APBB2: variants seen among roughly 807,000 people sequenced by gnomAD.
APBB2 encodes amyloid beta precursor protein binding family B member 2.
APBB2 carries 38 observed loss-of-function variants against 82.5 expected under a neutral mutation model. The ratio of observed to expected loss-of-function variants is 0.46; its 90% CI spans 0.36 to 0.60. APBB2 has a LOEUF of 0.60. Ranked by LOEUF, APBB2 falls within the 20% of genes least tolerant of loss-of-function variation. The pLI is 0.00. For synonymous variants in APBB2, 341 were observed against 368.2 expected (o/e 0.93, Z 0.85); for missense variants, 772 against 972.3 (o/e 0.79, Z 2.74).
At chr4:41,049,350 C>T (rs1724906377) in intron 4 of APBB2, among the ~76,000 whole-genome samples, 1 of 149,556 alleles carries the variant, frequency 6.7e-6, no homozygotes, top group Non-Finnish European at 1.5e-5. Flanking sequence ...CTCCGACCGG[C>T]AGCCGCCCCG....
intron 4 of APBB2, among the ~76,000 whole-genome samples, chr4:41,063,581 T>C (rs1191938223): frequency 6.6e-6 from 1 of 152,218 alleles, no homozygotes; most frequent in East Asian, 1.9e-4. Context: ...TTATCAGCTA[T>C]CCCTCCCTAC....
At chr4:40,932,766 G>C (rs772713984) in intron 10 of APBB2, among the ~76,000 whole-genome samples, 3 of 152,268 alleles carry the variant, frequency 2.0e-5, no homozygotes, top group South Asian at 2.1e-4. Flanking sequence ...GCAAGCCCCC[G>C]CCCCGTTCAA....
At position 41,014,006 on chromosome 4, in the gene APBB2, T is replaced by C. The variant is rs1165147429; in HGVS notation, c.412A>G (p.Lys138Glu). 4 of 1,614,198 alleles carry C rather than the reference T, an allele frequency of 2.5e-6. No individual in the cohort carries two copies. The highest frequency in any genetic ancestry group is 4.5e-5 in the East Asian group (2 of 44,878). The change falls in exon 6 of 18, where the codon AAA (lysine) becomes GAA (glutamate). Residue 138 changes from lysine to glutamate, a missense_variant. Coordinates refer to ENST00000508593, the MANE Select transcript of APBB2 (RefSeq NM_004307.2). The stretch of plus-strand genomic sequence containing the variant: ...GAGGAATCCTGTGGGTGGGGCTCTT[T>C]ACCCTCTAACTTCTCAGAAGTTATG... ...INITSEKLEG[K>E]EPHPQDSSSC...
intron 1 of APBB2, among the ~76,000 whole-genome samples, chr4:41,195,681 G>A: frequency 1.3e-5 from 2 of 152,086 alleles, no homozygotes; most frequent in African/African-American, 4.8e-5. Context: ...GTCCTAAACA[G>A]CCCTACAGGT....
chr4:41,146,529 T>A (rs1239006826), intron 1 of APBB2, among the ~76,000 whole-genome samples: 2 of 152,084 alleles, frequency 1.3e-5, no homozygotes, highest in Admixed American at 6.6e-5. Context: ...ATACAGTCAC[T>A]AATAATTAAA....
chr4:41,168,125 C>T (rs1207994953), intron 1 of APBB2, among the ~76,000 whole-genome samples: 3 of 151,698 alleles, frequency 2.0e-5, no homozygotes, highest in Admixed American at 1.3e-4. Context: ...AAAAATTGGC[C>T]GGGCGTGGTG....
chr4:41,000,139 T>C (rs1704891848), intron 6 of APBB2, among the ~76,000 whole-genome samples: 1 of 147,972 alleles, frequency 6.8e-6, no homozygotes, highest in African/African-American at 2.5e-5. Context: ...TGTGCACCCG[T>C]AGTCACAGTT....
intron 6 of APBB2, among the ~76,000 whole-genome samples, chr4:41,006,220 C>G (rs1173628865): frequency 2.0e-5 from 3 of 151,956 alleles, no homozygotes; most frequent in Non-Finnish European, 4.4e-5. Flanking sequence ...TGCATTTTAC[C>G]CTTGAAGTGC....
intron 12 of APBB2, among the ~76,000 whole-genome samples, chr4:40,845,126 T>C (rs1343212838): frequency 6.6e-6 from 1 of 152,242 alleles, no homozygotes; most frequent in Admixed American, 6.5e-5. Context: ...CATTTGGAGT[T>C]AATAAACACT....
In APBB2 at chr4:41,124,918, A is replaced by G. The variant is rs1314540005; in HGVS notation, c.-261+18069T>C. 3.3e-5 allele frequency among the ~76,000 whole-genome samples: 5 copies of G among 152,316 alleles called. No homozygotes were observed. The East Asian group carries it at 9.7e-4, about 29-fold the overall frequency. ...TCGTACTCTTTCTTTCTTTTCAGAA[A>G]TGGGAATTACAATGAAACTTTGGGA... On this transcript the variant is annotated intron_variant, in intron 2 of 17. Coordinates refer to ENST00000508593, the MANE Select transcript of APBB2 (RefSeq NM_004307.2).
chr4:40,857,662 G>A (rs141218833), intron 12 of APBB2, among the ~76,000 whole-genome samples: 4 of 152,040 alleles, frequency 2.6e-5, no homozygotes, highest in African/African-American at 7.3e-5. Context: ...TAGAGATGGG[G>A]TTTCACCATG....
rs116191477 is a variant in APBB2, at chr4:40,869,640, C to T, written c.1529+20724G>A. Among the ~76,000 whole-genome samples, 873 of 151,774 alleles carry T rather than the reference C, an allele frequency of 5.8e-3. 7 individuals carry two copies. The highest frequency in any genetic ancestry group is 0.026 in the East Asian group (134 of 5,160). On this transcript the variant is annotated intron_variant, in intron 12 of 17. Transcript: ENST00000508593. ...AAATAAGGCAAATGTCTAAAGGGAC[C>T]GCTCTATAAACAAAGTGGGCCAGAA...
chr4:40,904,229 G>A (rs769313173), intron 10 of APBB2, among the ~76,000 whole-genome samples: 8 of 152,142 alleles, frequency 5.3e-5, no homozygotes, highest in South Asian at 2.1e-4. Flanking sequence ...TCAGGAGTTC[G>A]AGACCAGCCT....
intron 1 of APBB2, among the ~76,000 whole-genome samples, chr4:41,200,105 C>G (rs951877250): frequency 2.6e-5 from 4 of 152,196 alleles, no homozygotes; most frequent in Non-Finnish European, 4.4e-5. Flanking sequence ...GAATATATTA[C>G]GCTAGCATCA....
At chr4:40,875,414 GC>G (rs956758188) in intron 12 of APBB2, among the ~76,000 whole-genome samples, 2 of 152,140 alleles carry the variant, frequency 1.3e-5, no homozygotes, top group Admixed American at 1.3e-4. Flanking sequence ...TACAATGCAA[GC>G]CACATTAAGT....
At chr4:40,862,354 C>T (rs1762953671) in intron 12 of APBB2, among the ~76,000 whole-genome samples, 1 of 152,310 alleles carries the variant, frequency 6.6e-6, no homozygotes, top group East Asian at 1.9e-4. Context: ...CCTTATATTG[C>T]CTCAGCCAAA....
At chr4:41,058,033 A>G (rs1728448873) in intron 4 of APBB2, among the ~76,000 whole-genome samples, 1 of 152,202 alleles carries the variant, frequency 6.6e-6, no homozygotes, top group African/African-American at 2.4e-5. Context: ...AAAAAGGACT[A>G]AAGTCCCTCC....
intron 12 of APBB2, among the ~76,000 whole-genome samples, chr4:40,841,341 G>A (rs1292569915): frequency 6.6e-6 from 1 of 152,136 alleles, no homozygotes; most frequent in Non-Finnish European, 1.5e-5. Context: ...TTCATTCAAG[G>A]AGAATTATCT....
chr4:41,137,117 A>G (rs776249421), intron 2 of APBB2, among the ~76,000 whole-genome samples: 6 of 152,232 alleles, frequency 3.9e-5, no homozygotes, highest in Non-Finnish European at 8.8e-5. Flanking sequence ...ATTTTCATAA[A>G]ACATATACAA....
Sources: allele counts gnomAD v4.1 joint callset (sites outside exome capture counted in the v4.1 genomes callset), GRCh38; gene constraint gnomAD v4.1.1; transcripts MANE v1.5; gene names NCBI Gene and HGNC (gene_info 2026-07-23, HGNC 2026-07-21).